The following ACMSD variants were observed in gnomAD, a reference collection of about 807,000 sequenced individuals.
ACMSD encodes 2-amino-3-carboxymuconate-6-semialdehyde decarboxylase.
Under a neutral mutation model 45.9 loss-of-function variants are expected in ACMSD, and 37 were observed. That is an observed-to-expected ratio of 0.81 (90% CI 0.62 to 1.06). ACMSD has a LOEUF of 1.06. ACMSD is among the 50% of genes least tolerant of loss of function. ACMSD has a pLI of 0.00. For missense variants in ACMSD, 434 were observed against 420.9 expected (o/e 1.03, Z -0.27); for synonymous variants, 138 against 148.8 (o/e 0.93, Z 0.53).
intron 8 of ACMSD, among the ~76,000 whole-genome samples, chr2:134,886,246 A>ATTATTTTTTT: frequency 8.7e-6 from 1 of 115,476 alleles, no homozygotes; most frequent in African/African-American, 3.6e-5. Flanking sequence ...TATTATTATT[A>ATTATTTTTTT]TTTTTTTTTT....
chr2:134,888,596 A>T (rs1689594344), intron 8 of ACMSD, among the ~76,000 whole-genome samples: 1 of 152,218 alleles, frequency 6.6e-6, no homozygotes, highest in Non-Finnish European at 1.5e-5. Context: ...AGAAGCATGG[A>T]TAAACAAATT....
chr2:134,876,628 C>G (rs992078467), intron 8 of ACMSD, among the ~76,000 whole-genome samples: 2 of 152,120 alleles, frequency 1.3e-5, no homozygotes, highest in Non-Finnish European at 2.9e-5. Flanking sequence ...TCTTACAGGA[C>G]TTGCCTCAGG....
At position 134,838,695 on chromosome 2, in the gene ACMSD, A is replaced by T; in HGVS notation, c.13A>T (p.Ile5Phe). The T allele has an allele frequency of 1.2e-6, 2 of 1,612,194 alleles. No homozygotes were observed. Among genetic ancestry groups the T allele is most frequent in the Non-Finnish European group, 1.7e-6 (2 of 1,178,788 alleles). ...TGATCCTGTGGAGATGAAAATTGAC[A>T]TCCATAGTCATATTCTACCAAAAGA... MKID[I>F]HSHILPKEWP... The change falls in exon 1 of 10, where the codon ATC (isoleucine) becomes TTC (phenylalanine). Residue 5 changes from isoleucine (I) to phenylalanine (F), a missense_variant. By Grantham distance (21) the Ile-to-Phe change is conservative (BLOSUM62 0). Transcript: ENST00000356140.
At chr2:134,854,715 A>G (rs1010863504) in intron 2 of ACMSD, among the ~76,000 whole-genome samples, 1 of 152,266 alleles carries the variant, frequency 6.6e-6, no homozygotes, top group African/African-American at 2.4e-5. Flanking sequence ...TTCTACCTCA[A>G]GAAAGCAGAA....
At position 134,875,351 on chromosome 2, in the gene ACMSD, ATTGT is replaced by A. The variant is rs543292755; in HGVS notation, c.849+2713_849+2716del. On this transcript the variant is annotated intron_variant, in intron 8 of 9. Transcript: ENST00000356140. ...AATAAAGATATTTTAGTAATATTTG[ATTGT>A]TTATGTATAAACTTTACTTTGATAA... Among the ~76,000 whole-genome samples, 27 of 152,320 alleles carry A rather than the reference ATTGT, an allele frequency of 1.8e-4. No individual in the cohort carries two copies. The South Asian group carries it at 2.7e-3, about 15-fold the overall frequency.
chr2:134,893,875 C>T (rs1431358464), intron 8 of ACMSD, among the ~76,000 whole-genome samples: 1 of 152,064 alleles, frequency 6.6e-6, no homozygotes, highest in African/African-American at 2.4e-5. Flanking sequence ...TGGAAGGACA[C>T]TAGACAGAAG....
chr2:134,872,589 C>A lies in ACMSD; in HGVS notation c.797C>A (p.Ala266Asp). The A allele has an allele frequency of 6.2e-7, 1 of 1,614,164 alleles. No homozygotes were observed. Among genetic ancestry groups the A allele is most frequent in the South Asian group, 1.1e-5 (1 of 91,084 alleles). ...TACCTTGGTTCCTTTTACACAGATG[C>A]TTTGGTTCATGATCCTCTGTCCCTC... ...KKYLGSFYTD[A>D]LVHDPLSLKL... The change falls in exon 8 of 10, where the codon GCT becomes GAT. Residue 266 changes from alanine (A) to aspartate (D), a missense_variant. Transcript: ENST00000356140.
At chr2:134,839,337 T>C (rs956018029) in intron 1 of ACMSD, among the ~76,000 whole-genome samples, 1 of 152,230 alleles carries the variant, frequency 6.6e-6, no homozygotes, top group African/African-American at 2.4e-5. Flanking sequence ...ATGAAGCTTT[T>C]GCACAGTGAC....
At chr2:134,891,362 A>G (rs533043671) in intron 8 of ACMSD, among the ~76,000 whole-genome samples, 264 of 152,084 alleles carry the variant, frequency 1.7e-3, no homozygotes, top group African/African-American at 5.4e-3. Context: ...TGGCAATCCA[A>G]TTTTCTCATT....
At chr2:134,871,879 A>G (rs1216547201) in intron 7 of ACMSD, among the ~76,000 whole-genome samples, 2 of 151,988 alleles carry the variant, frequency 1.3e-5, no homozygotes, top group African/African-American at 4.8e-5. Flanking sequence ...CCCGACTGAT[A>G]GGTTGTCTCA....
At chr2:134,876,884 C>T (rs1048919715) in intron 8 of ACMSD, among the ~76,000 whole-genome samples, 5 of 152,180 alleles carry the variant, frequency 3.3e-5, no homozygotes, top group African/African-American at 4.8e-5. Context: ...TGGGTTCAAG[C>T]GATTCTTGTG....
intron 2 of ACMSD, among the ~76,000 whole-genome samples, chr2:134,855,987 C>T (rs1235398207): frequency 6.6e-6 from 1 of 152,192 alleles, no homozygotes; most frequent in Non-Finnish European, 1.5e-5. Flanking sequence ...CCAAAGGTAA[C>T]CTTGAGGCCC....
At chr2:134,841,919 G>A (rs945567456) in intron 1 of ACMSD, among the ~76,000 whole-genome samples, 1 of 152,122 alleles carries the variant, frequency 6.6e-6, no homozygotes, top group African/African-American at 2.4e-5. Flanking sequence ...ATCCTTCTGA[G>A]GAGATAAATA....
rs117416454 is a variant in ACMSD at position 134,865,330 on chromosome 2, A to C, written c.486+1699A>C. ...GCTTTGAAAGAGGATTTATTTACTT[A>C]TGCATCCAAGTTGTTTCAGCACAGT... On this transcript the variant is annotated intron_variant, in intron 5 of 9. Coordinates refer to ENST00000356140, the MANE Select transcript of ACMSD (RefSeq NM_138326.3). 1.5e-4 allele frequency among the ~76,000 whole-genome samples: 23 copies of C among 152,350 alleles called. No individual in the cohort carries two copies. The East Asian group carries it at 4.2e-3, about 28-fold the overall frequency.
At chr2:134,897,302 A>G (rs1690213481) in intron 8 of ACMSD, among the ~76,000 whole-genome samples, 1 of 152,176 alleles carries the variant, frequency 6.6e-6, no homozygotes, top group Non-Finnish European at 1.5e-5. Context: ...CTTATTGAAA[A>G]CAGAAATCAA....
chr2:134,859,172 A>C, intron 2 of ACMSD, 89 bp from the exon 3 acceptor site: 1 of 1,037,318 alleles, frequency 9.6e-7, no homozygotes, highest in Non-Finnish European at 1.4e-6. Context: ...TTCAAATATT[A>C]GGGAAGAAAT....
intron 8 of ACMSD, among the ~76,000 whole-genome samples, chr2:134,886,732 C>G (rs1378559287): frequency 6.6e-6 from 1 of 152,146 alleles, no homozygotes; most frequent in East Asian, 1.9e-4. Context: ...CAACAATGCA[C>G]TGGCAATCCT....
At chr2:134,885,375 AT>A (rs1336873191) in intron 8 of ACMSD, among the ~76,000 whole-genome samples, 2 of 107,770 alleles carry the variant, frequency 1.9e-5, no homozygotes, top group African/African-American at 7.3e-5. Context: ...TATATTATAT[AT>A]AATATATATG....
chr2:134,864,370 A>T (rs1687996686), intron 5 of ACMSD, among the ~76,000 whole-genome samples: 1 of 152,198 alleles, frequency 6.6e-6, no homozygotes, highest in African/African-American at 2.4e-5. Context: ...AAGTATAAAG[A>T]TGATAACAAA....
Sources: allele counts gnomAD v4.1 joint callset (sites outside exome capture counted in the v4.1 genomes callset), GRCh38; gene constraint gnomAD v4.1.1; transcripts MANE v1.5; gene names NCBI Gene and HGNC (gene_info 2026-07-23, HGNC 2026-07-21).